Variants in CCDC178 observed in about 807,000 individuals in gnomAD.
CCDC178 encodes the protein coiled-coil domain containing 178, also known as coiled-coil domain-containing protein 178.
CCDC178 carries 126 observed loss-of-function variants against 117.4 expected under a neutral mutation model. That is an observed-to-expected ratio of 1.07 (90% confidence interval 0.93 to 1.24). The LOEUF (loss-of-function observed/expected upper bound fraction) is 1.24. CCDC178 is among the 50% of genes most tolerant of loss of function. CCDC178 has a pLI of 0.00. For missense variants in CCDC178, 1,030 were observed against 986.9 expected (o/e 1.04, Z -0.59); for synonymous variants, 283 against 313.4 (o/e 0.90, Z 1.02).
intron 21 of CCDC178, among the ~76,000 whole-genome samples, chr18:33,068,804 T>C (rs1218553507): frequency 6.6e-6 from 1 of 152,190 alleles, no homozygotes; most frequent in East Asian, 1.9e-4. Flanking sequence ...AACATGGTAC[T>C]GGATGTCCTA....
intron 20 of CCDC178, among the ~76,000 whole-genome samples, chr18:33,130,219 T>C (rs1271566616): frequency 1.3e-5 from 2 of 151,984 alleles, no homozygotes; most frequent in African/African-American, 4.8e-5. Flanking sequence ...TGAGATTAAA[T>C]AATTTAAAAT....
intron 20 of CCDC178, among the ~76,000 whole-genome samples, chr18:33,185,249 G>C (rs1442355029): frequency 6.6e-6 from 1 of 151,944 alleles, no homozygotes; most frequent in African/African-American, 2.4e-5. Flanking sequence ...AACTTGCAAG[G>C]ATGAACAAGA....
At chr18:33,128,952 G>A (rs929636742) in intron 20 of CCDC178, among the ~76,000 whole-genome samples, 4 of 152,176 alleles carry the variant, frequency 2.6e-5, no homozygotes, top group Middle Eastern at 3.4e-3. Context: ...CACAACTGCC[G>A]TAAACAACTT....
chr18:33,092,726 AATC>A (rs2057486038), intron 21 of CCDC178, 32 bp downstream of exon 21: 2 of 1,471,510 alleles, frequency 1.4e-6, no homozygotes, highest in East Asian at 4.7e-5. Context: ...ATATGACATA[AATC>A]ATCACCTTAA....
intron 2 of CCDC178, among the ~76,000 whole-genome samples, chr18:33,431,332 G>C (rs12454399): frequency 6.6e-6 from 1 of 150,656 alleles, no homozygotes. Context: ...AACTTCCTTA[G>C]AATATCTGAA....
chr18:32,987,849 G>A (rs4426426), intron 21 of CCDC178, among the ~76,000 whole-genome samples: 1 of 152,032 alleles, frequency 6.6e-6, no homozygotes, highest in South Asian at 2.1e-4. Flanking sequence ...TGTAATCCCA[G>A]CACTTTGGGA....
intron 6 of CCDC178, among the ~76,000 whole-genome samples, chr18:33,366,833 G>A (rs971820877): frequency 2.6e-5 from 4 of 151,932 alleles, no homozygotes; most frequent in Admixed American, 6.6e-5. Context: ...GTTATCAGAC[G>A]GGCCTGGGAC....
chr18:32,954,191 T>C (rs957572402), intron 22 of CCDC178: 5 of 152,320 alleles, frequency 3.3e-5, no homozygotes, highest in Non-Finnish European at 7.4e-5. Flanking sequence ...AATACCAGAT[T>C]ATTTCCTGAA....
chr18:33,175,679 G>A (rs1019129028), intron 20 of CCDC178, among the ~76,000 whole-genome samples: 6 of 152,094 alleles, frequency 3.9e-5, no homozygotes, highest in South Asian at 2.1e-4. Context: ...GCCTTAAACC[G>A]CTGAAGTGAA....
chr18:33,092,819 T>C lies in CCDC178; in HGVS notation c.2330A>G (p.Tyr777Cys). The C allele has an allele frequency of 6.4e-7, 1 of 1,561,446 alleles. No individual in the cohort carries two copies. Among genetic ancestry groups the C allele is most frequent in the Non-Finnish European group, 8.8e-7 (1 of 1,140,652 alleles). The change falls in exon 21 of 23, where the codon TAT becomes TGT. Residue 777 changes from tyrosine (Y) to cysteine (C), a missense_variant. Physicochemically the swap from Tyr to Cys is radical, Grantham distance 194. Coordinates refer to ENST00000383096, the MANE Select transcript of CCDC178 (RefSeq NM_001105528.4). The stretch of plus-strand genomic sequence containing the variant: ...TAGCTGTTTATCATATATATTGAAA[T>C]AATTGTCCTTTTCTTTTAAGAATGT... ...QITFLKEKDN[Y>C]FNIYDKQLSL...
chr18:33,270,162 A>G (rs1181754495), intron 12 of CCDC178, among the ~76,000 whole-genome samples: 1 of 151,578 alleles, frequency 6.6e-6, no homozygotes, highest in Non-Finnish European at 1.5e-5. Context: ...AAATCTGAAG[A>G]CGAGTCAACT....
chr18:33,359,183 C>T (rs1273863206), intron 6 of CCDC178, among the ~76,000 whole-genome samples: 1 of 151,628 alleles, frequency 6.6e-6, no homozygotes, highest in South Asian at 2.1e-4. Flanking sequence ...TTCTGAAGTC[C>T]TCAACAAGTT....
At chr18:33,081,656 T>A (rs1375541861) in intron 21 of CCDC178, among the ~76,000 whole-genome samples, 8 of 152,208 alleles carry the variant, frequency 5.3e-5, no homozygotes, top group African/African-American at 1.9e-4. Flanking sequence ...AGTGCATATA[T>A]CTTTCTTTAA....
intron 20 of CCDC178, among the ~76,000 whole-genome samples, chr18:33,184,522 A>T (rs2058767408): frequency 6.6e-6 from 1 of 152,056 alleles, no homozygotes; most frequent in Admixed American, 6.6e-5. Flanking sequence ...GCCATCAACC[A>T]AACAGATATA....
chr18:33,362,350 G>A (rs1203806068), intron 6 of CCDC178, among the ~76,000 whole-genome samples: 1 of 151,570 alleles, frequency 6.6e-6, no homozygotes, highest in East Asian at 1.9e-4. Flanking sequence ...ATTTTTTTAA[G>A]GAGTTCAAAT....
chr18:32,992,189 C>T (rs1290329300), intron 21 of CCDC178, among the ~76,000 whole-genome samples: 1 of 152,068 alleles, frequency 6.6e-6, no homozygotes, highest in Non-Finnish European at 1.5e-5. Flanking sequence ...TGTAAATGAG[C>T]TTTTGGAGAC....
chr18:33,105,793 T>C (rs2057697414), intron 20 of CCDC178, among the ~76,000 whole-genome samples: 1 of 151,648 alleles, frequency 6.6e-6, no homozygotes, highest in Admixed American at 6.6e-5. Context: ...CTTGGAAGGC[T>C]AACAGAAATC....
chr18:33,172,836 C>A (rs1341819090), intron 20 of CCDC178, among the ~76,000 whole-genome samples: 2 of 152,096 alleles, frequency 1.3e-5, no homozygotes, highest in Admixed American at 1.3e-4. Context: ...ATGCATAATT[C>A]TTTCACTTAT....
intron 20 of CCDC178, among the ~76,000 whole-genome samples, chr18:33,099,094 A>C (rs2057586543): frequency 6.6e-6 from 1 of 152,104 alleles, no homozygotes; most frequent in African/African-American, 2.4e-5. Context: ...CCTTAGGAAC[A>C]GTAGATTATT....
Sources: gnomAD v4.1 joint callset for allele counts (sites outside exome capture counted in the v4.1 genomes callset) on GRCh38, gnomAD v4.1.1 for gene constraint, MANE v1.5 for transcripts, NCBI Gene and HGNC (gene_info 2026-07-23, HGNC 2026-07-21) for gene names.